Variants in UNC5C observed in about 807,000 individuals in gnomAD.
UNC5C encodes netrin receptor UNC5C.
Under a neutral mutation model 99.8 loss-of-function variants are expected in UNC5C, and 47 were observed. That is an observed-to-expected ratio of 0.47 (90% confidence interval 0.37 to 0.60). The LOEUF is 0.60. UNC5C is among the 20% of genes least tolerant of loss of function. UNC5C has a pLI of 0.00. For missense variants in UNC5C, 1,062 were observed against 1,165.9 expected (o/e 0.91, Z 1.30); for synonymous variants, 487 against 452.2 (o/e 1.08, Z -0.98).
chr4:95,471,266 C>T (rs1747959857), intron 1 of UNC5C, among the ~76,000 whole-genome samples: 1 of 151,940 alleles, frequency 6.6e-6, no homozygotes, highest in Non-Finnish European at 1.5e-5. Flanking sequence ...ACGCTAAAAG[C>T]ATAACAATGT....
At chr4:95,533,053 G>T (rs1722693574) in intron 1 of UNC5C, among the ~76,000 whole-genome samples, 1 of 151,914 alleles carries the variant, frequency 6.6e-6, no homozygotes, top group African/African-American at 2.4e-5. Context: ...TGAGAGAAAT[G>T]GACATATTTT....
intron 1 of UNC5C, among the ~76,000 whole-genome samples, chr4:95,474,299 C>G (rs1748063852): frequency 1.3e-5 from 2 of 152,076 alleles, no homozygotes; most frequent in Admixed American, 1.3e-4. Flanking sequence ...TGTAATTTTT[C>G]TTATTTTTTG....
At chr4:95,533,248 A>T (rs1191110064) in intron 1 of UNC5C, among the ~76,000 whole-genome samples, 1 of 151,986 alleles carries the variant, frequency 6.6e-6, no homozygotes, top group East Asian at 1.9e-4. Context: ...ATACAAAAAA[A>T]ATTAGCTGGG....
intron 2 of UNC5C, among the ~76,000 whole-genome samples, chr4:95,333,034 C>G (rs1372436609): frequency 6.6e-6 from 1 of 152,154 alleles, no homozygotes; most frequent in Non-Finnish European, 1.5e-5. Flanking sequence ...CCATCCCACA[C>G]CAGTTAGAAT....
chr4:95,394,331 GCTAA>G (rs1444127213), intron 1 of UNC5C, among the ~76,000 whole-genome samples: 2 of 151,800 alleles, frequency 1.3e-5, no homozygotes, highest in African/African-American at 2.4e-5. Context: ...AATGGGGGGT[GCTAA>G]CTGTGTAGTC....
At chr4:95,186,776 C>G (rs922106188) in intron 12 of UNC5C, among the ~76,000 whole-genome samples, 6 of 152,266 alleles carry the variant, frequency 3.9e-5, no homozygotes, top group African/African-American at 1.2e-4. Flanking sequence ...ATGTTGCTGG[C>G]TGATGAGTAG....
At chr4:95,325,962 T>C (rs746040087) in intron 2 of UNC5C, among the ~76,000 whole-genome samples, 5 of 152,072 alleles carry the variant, frequency 3.3e-5, no homozygotes, top group East Asian at 3.9e-4. Flanking sequence ...CTGTGTTCAG[T>C]AGTTATGGTA....
intron 2 of UNC5C, among the ~76,000 whole-genome samples, chr4:95,330,083 C>G (rs1044808860): frequency 1.8e-4 from 28 of 152,088 alleles, no homozygotes; most frequent in African/African-American, 6.5e-4. Flanking sequence ...GGTTGAAAAA[C>G]TGATCTTTAT....
intron 1 of UNC5C, among the ~76,000 whole-genome samples, chr4:95,393,650 T>C (rs10856913): frequency 0.22 from 34,151 of 152,088 alleles, 5,169 homozygotes; most frequent in East Asian, 0.69. Context: ...TTATCCATCT[T>C]GACCCTGAAT....
intron 1 of UNC5C, among the ~76,000 whole-genome samples, chr4:95,490,725 G>T (rs1721459134): frequency 6.6e-6 from 1 of 151,726 alleles, no homozygotes; most frequent in Admixed American, 6.6e-5. Context: ...AACATCTAAA[G>T]ATAGGCCGTT....
At chr4:95,472,127 G>A (rs1747988479) in intron 1 of UNC5C, among the ~76,000 whole-genome samples, 1 of 152,082 alleles carries the variant, frequency 6.6e-6, no homozygotes, top group Non-Finnish European at 1.5e-5. Flanking sequence ...AGATATTAAA[G>A]AGACAAACTA....
chr4:95,417,081 T>C (rs965857660), intron 1 of UNC5C, among the ~76,000 whole-genome samples: 2 of 152,174 alleles, frequency 1.3e-5, no homozygotes, highest in African/African-American at 4.8e-5. Flanking sequence ...AAGCAAGATT[T>C]AAATCCAAGT....
chr4:95,472,362 GC>G (rs1290827859), intron 1 of UNC5C, among the ~76,000 whole-genome samples: 1 of 152,088 alleles, frequency 6.6e-6, no homozygotes, highest in Non-Finnish European at 1.5e-5. Flanking sequence ...TAATTGATAT[GC>G]CCTTTTTGCC....
chr4:95,285,758 A>G (rs1214018468), intron 3 of UNC5C, among the ~76,000 whole-genome samples: 1 of 152,226 alleles, frequency 6.6e-6, no homozygotes, highest in Non-Finnish European at 1.5e-5. Flanking sequence ...CAAGATATAC[A>G]TAGTCTTATA....
intron 1 of UNC5C, 144 bp downstream of exon 1, chr4:95,548,585 TGACTA>T: frequency 1.5e-6 from 1 of 689,634 alleles, no homozygotes; most frequent in Middle Eastern, 3.7e-4. Flanking sequence ...CAAAGCTTCT[TGACTA>T]GTTGGGAAAG....
chr4:95,368,304 A>AAAAC (rs1452728512), intron 1 of UNC5C, among the ~76,000 whole-genome samples: 1 of 151,890 alleles, frequency 6.6e-6, no homozygotes, highest in Non-Finnish European at 1.5e-5. Context: ...TTTGAAAAAA[A>AAAAC]AAAAAACCAA....
intron 4 of UNC5C, 116 bp from the exon 5 acceptor site, chr4:95,250,783 G>T: frequency 9.7e-7 from 1 of 1,031,784 alleles, no homozygotes; most frequent in Non-Finnish European, 1.4e-6. Flanking sequence ...AGCGATACCT[G>T]TGTTTTGTAA....
At chr4:95,219,397 G>C (rs917164708) in intron 8 of UNC5C, 84 bp from the exon 9 acceptor site, 2 of 1,352,848 alleles carry the variant, frequency 1.5e-6, no homozygotes, top group Non-Finnish European at 2.0e-6. Flanking sequence ...CACACTTTCT[G>C]AGCCGAAAGT....
intron 1 of UNC5C, among the ~76,000 whole-genome samples, chr4:95,364,006 G>T (rs1744477384): frequency 1.3e-5 from 2 of 152,130 alleles, no homozygotes; most frequent in African/African-American, 4.8e-5. Flanking sequence ...TTTTACATCT[G>T]TGTTTACCAA....
Sources: gnomAD v4.1 joint callset for allele counts (sites outside exome capture counted in the v4.1 genomes callset) on GRCh38, gnomAD v4.1.1 for gene constraint, MANE v1.5 for transcripts, NCBI Gene and HGNC (gene_info 2026-07-23, HGNC 2026-07-21) for gene names.